The following BBS9 variants were observed in gnomAD, a reference collection of about 807,000 sequenced individuals.
The protein encoded by BBS9 is protein PTHB1.
In BBS9, 89 loss-of-function variants were observed where a neutral mutation model predicts 117.7. That is an observed-to-expected ratio of 0.76 (90% CI 0.64 to 0.90). The LOEUF (loss-of-function observed/expected upper bound fraction) is 0.90, where lower values mean the gene tolerates loss of function less well. Ranked by LOEUF, BBS9 falls within the 40% of genes least tolerant of loss-of-function variation. The pLI, the probability that BBS9 is intolerant of heterozygous loss-of-function variation, is 0.00. For synonymous variants in BBS9, 379 were observed against 370.9 expected, an observed-to-expected ratio of 1.02 and a Z score of -0.25; for missense variants, 982 against 1,042.2, an observed-to-expected ratio of 0.94 and a Z score of 0.80.
At chr7:33,535,775 A>T (rs1221085657) in intron 21 of BBS9, among the ~76,000 whole-genome samples, 1 of 152,074 alleles carries the variant, frequency 6.6e-6, no homozygotes, top group Non-Finnish European at 1.5e-5. Flanking sequence ...TTGAGGGAAA[A>T]GGGCAGATAC....
At chr7:33,553,549 T>C (rs1051694269) in intron 21 of BBS9, among the ~76,000 whole-genome samples, 2 of 152,208 alleles carry the variant, frequency 1.3e-5, no homozygotes, top group African/African-American at 2.4e-5. Flanking sequence ...TATTAACTAT[T>C]TTATTTTCAT....
intron 19 of BBS9, among the ~76,000 whole-genome samples, chr7:33,479,688 C>T (rs1842267283): frequency 6.6e-6 from 1 of 152,200 alleles, no homozygotes; most frequent in Admixed American, 6.5e-5. Context: ...CCAAACTGCT[C>T]TCCACAGTGG....
At chr7:33,283,258 A>C (rs1216272170) in intron 9 of BBS9, among the ~76,000 whole-genome samples, 1 of 152,152 alleles carries the variant, frequency 6.6e-6, no homozygotes, top group Non-Finnish European at 1.5e-5. Context: ...TTGGTTTTGA[A>C]AGTTGCTGTG....
intron 21 of BBS9, among the ~76,000 whole-genome samples, chr7:33,552,958 T>C (rs1046272209): frequency 6.6e-6 from 1 of 152,158 alleles, no homozygotes; most frequent in East Asian, 1.9e-4. Context: ...CCCATTCTGC[T>C]TTACCCACAC....
intron 19 of BBS9, among the ~76,000 whole-genome samples, chr7:33,400,033 A>G (rs1342319464): frequency 1.3e-5 from 2 of 152,100 alleles, no homozygotes; most frequent in African/African-American, 2.4e-5. Flanking sequence ...ATGTTCTTCA[A>G]TCAGCATTTG....
At chr7:33,565,537 T>C (rs1222678754) in intron 21 of BBS9, among the ~76,000 whole-genome samples, 3 of 151,924 alleles carry the variant, frequency 2.0e-5, no homozygotes, top group African/African-American at 7.2e-5. Context: ...TTTATCTTGG[T>C]TCCCTGTCTT....
intron 19 of BBS9, among the ~76,000 whole-genome samples, chr7:33,471,340 G>C (rs1841008593): frequency 6.6e-6 from 1 of 152,176 alleles, no homozygotes; most frequent in East Asian, 1.9e-4. Flanking sequence ...TGTTGGAATT[G>C]ATTTTGGCTT....
intron 21 of BBS9, among the ~76,000 whole-genome samples, chr7:33,555,274 G>T (rs888364367): frequency 6.6e-6 from 1 of 152,138 alleles, no homozygotes; most frequent in Non-Finnish European, 1.5e-5. Context: ...TGGCTTAATT[G>T]TGTTGTCTTC....
At chr7:33,406,189 G>A (rs533848693) in intron 19 of BBS9, among the ~76,000 whole-genome samples, 333 of 152,272 alleles carry the variant, frequency 2.2e-3, no homozygotes, top group African/African-American at 7.7e-3. Flanking sequence ...TAGTTTGATT[G>A]CACTGTGGTC....
intron 20 of BBS9, among the ~76,000 whole-genome samples, chr7:33,525,880 C>T (rs1366399181): frequency 1.3e-5 from 2 of 151,508 alleles, no homozygotes; most frequent in Non-Finnish European, 2.9e-5. Context: ...TTTGCAGCGG[C>T]TGGTACAGGT....
intron 5 of BBS9, among the ~76,000 whole-genome samples, chr7:33,249,550 C>T (rs1048829835): frequency 6.6e-6 from 1 of 151,732 alleles, no homozygotes; most frequent in Non-Finnish European, 1.5e-5. Context: ...TTTTAAAATC[C>T]TCTCAAATTG....
intron 5 of BBS9, among the ~76,000 whole-genome samples, chr7:33,217,022 G>T (rs1031035953): frequency 6.6e-6 from 1 of 152,164 alleles, no homozygotes; most frequent in African/African-American, 2.4e-5. Context: ...TTGAACCCGG[G>T]AGGTGGAGGT....
At chr7:33,265,509 T>C (rs1798659233) in intron 7 of BBS9, among the ~76,000 whole-genome samples, 1 of 152,152 alleles carries the variant, frequency 6.6e-6, no homozygotes, top group Admixed American at 6.5e-5. Context: ...CCTTACTAAA[T>C]CTCAGTTTCC....
intron 4 of BBS9, among the ~76,000 whole-genome samples, chr7:33,167,298 G>A (rs947291401): frequency 6.1e-5 from 9 of 147,806 alleles, no homozygotes; most frequent in Admixed American, 6.0e-4. Flanking sequence ...GTCTGGTTTA[G>A]CATAAAAATC....
At chr7:33,301,356 A>G (rs1806397417) in intron 9 of BBS9, among the ~76,000 whole-genome samples, 1 of 152,086 alleles carries the variant, frequency 6.6e-6, no homozygotes, top group African/African-American at 2.4e-5. Context: ...GCCAGAAAAT[A>G]TAAGTCTTAG....
intron 5 of BBS9, among the ~76,000 whole-genome samples, chr7:33,233,224 A>C (rs984352744): frequency 1.3e-5 from 2 of 151,660 alleles, no homozygotes; most frequent in Non-Finnish European, 2.9e-5. Flanking sequence ...TTTTGTTTTT[A>C]TTCTCTCTTT....
intron 21 of BBS9, among the ~76,000 whole-genome samples, chr7:33,627,667 T>C (rs1345582844): frequency 5.9e-5 from 9 of 152,232 alleles, no homozygotes; most frequent in African/African-American, 2.2e-4. Context: ...CAGTGTGGCC[T>C]GGATATGAGA....
At chr7:33,528,438 C>A (rs1407664446) in intron 20 of BBS9, among the ~76,000 whole-genome samples, 2 of 151,730 alleles carry the variant, frequency 1.3e-5, no homozygotes, top group Non-Finnish European at 2.9e-5. Context: ...TTTCCCTATA[C>A]CACTGTAGTT....
chr7:33,627,649 C>T (rs549125238), intron 21 of BBS9, among the ~76,000 whole-genome samples: 2 of 152,334 alleles, frequency 1.3e-5, no homozygotes, highest in Admixed American at 1.3e-4. Context: ...GGAGCCCACC[C>T]CTTGCATCAG....
Sources: allele counts gnomAD v4.1 joint callset (sites outside exome capture counted in the v4.1 genomes callset), GRCh38; gene constraint gnomAD v4.1.1; transcripts MANE v1.5; gene names NCBI Gene and HGNC (gene_info 2026-07-23, HGNC 2026-07-21).